The following DNM3 variants were observed in gnomAD, a reference collection of about 807,000 sequenced individuals.
DNM3 encodes the protein dynamin 3.
A neutral mutation model predicts 101.6 loss-of-function variants in DNM3; 47 were observed. The ratio of observed to expected loss-of-function variants is 0.46; its 90% confidence interval spans 0.37 to 0.59. The LOEUF is 0.59. Ranked by LOEUF, DNM3 falls within the 20% of genes least tolerant of loss-of-function variation. The pLI is 0.00. For synonymous variants in DNM3, 385 were observed against 387.9 expected, an observed-to-expected ratio of 0.99 and a Z score of 0.09; for missense variants, 849 against 1,085.7, an observed-to-expected ratio of 0.78 and a Z score of 3.06.
chr1:171,989,129 T>A lies in DNM3; in HGVS notation c.570T>A (p.Ala190=). 6.2e-7 allele frequency: 1 copy of A among 1,612,850 alleles called. No individual in the cohort carries two copies. Among genetic ancestry groups the A allele is most frequent in the African/African-American group, 1.3e-5 (1 of 75,024 alleles). The change falls in exon 4 of 21, where the codon GCT becomes GCA. Residue 190 remains alanine, a synonymous_variant. Transcript: ENST00000627582. ...DLANSDALKL[A]KEVDPQGLRT... ...CAAACTCAGATGCGCTGAAGCTAGCTAAAGAAGTTGATCCTCAAGGTGAGT... is the reference window on the plus strand; with the variant it reads ...CAAACTCAGATGCGCTGAAGCTAGCAAAAGAAGTTGATCCTCAAGGTGAGT...
At chr1:172,052,147 G>T (rs2050248874) in intron 10 of DNM3, among the ~76,000 whole-genome samples, 1 of 152,092 alleles carries the variant, frequency 6.6e-6, no homozygotes, top group Non-Finnish European at 1.5e-5. Context: ...AAAAATAGGG[G>T]CCATAAATGG....
Position 172,206,456 on chromosome 1 carries a change from A to G in DNM3, c.1660-47117A>G, listed in dbSNP as rs77824763. On this transcript the variant is annotated intron_variant, in intron 14 of 20. Coordinates refer to ENST00000627582, the MANE Select transcript of DNM3 (RefSeq NM_015569.5). ...TTGCACAGATATTAAAAAGTCACAT[A>G]TTAAAAGGTCAAGATTGTTAAAAAT... Among the ~76,000 whole-genome samples the G allele has an allele frequency of 6.6e-3, 1,004 of 152,240 alleles. 14 individuals are homozygous for G. Among genetic ancestry groups the G allele is most frequent in the African/African-American group, 0.023 (954 of 41,580 alleles).
intron 1 of DNM3, among the ~76,000 whole-genome samples, chr1:171,884,630 G>C (rs2036603715): frequency 6.6e-6 from 1 of 152,136 alleles, no homozygotes; most frequent in South Asian, 2.1e-4. Flanking sequence ...GCTTTCTGAT[G>C]GGACTCACTC....
At chr1:171,872,998 C>T (rs1210615883) in intron 1 of DNM3, among the ~76,000 whole-genome samples, 1 of 152,072 alleles carries the variant, frequency 6.6e-6, no homozygotes, top group Non-Finnish European at 1.5e-5. Context: ...CATAATTACT[C>T]CTGGGGGTCT....
intron 17 of DNM3, among the ~76,000 whole-genome samples, chr1:172,330,608 A>G (rs935636637): frequency 6.6e-6 from 1 of 152,148 alleles, no homozygotes; most frequent in African/African-American, 2.4e-5. Context: ...CATGAGCAAT[A>G]TTAATTTGTG....
intron 14 of DNM3, among the ~76,000 whole-genome samples, chr1:172,168,277 A>G (rs1283741542): frequency 2.0e-5 from 3 of 151,908 alleles, no homozygotes; most frequent in Non-Finnish European, 4.4e-5. Context: ...TTAAAATATT[A>G]ACTACACTGG....
At chr1:172,126,966 CT>C (rs2056659983) in intron 13 of DNM3, among the ~76,000 whole-genome samples, 1 of 152,088 alleles carries the variant, frequency 6.6e-6, no homozygotes, top group African/African-American at 2.4e-5. Flanking sequence ...GTGCAAAGTG[CT>C]GCTGGAAAAG....
At chr1:172,368,460 G>A (rs895026149) in intron 17 of DNM3, among the ~76,000 whole-genome samples, 9 of 151,594 alleles carry the variant, frequency 5.9e-5, no homozygotes, top group Admixed American at 1.3e-4. Context: ...CAAATCCTAC[G>A]CAATACAGCA....
chr1:172,178,462 A>G (rs1483562861), intron 14 of DNM3, among the ~76,000 whole-genome samples: 1 of 151,956 alleles, frequency 6.6e-6, no homozygotes, highest in Admixed American at 6.6e-5. Context: ...TTTTACATAT[A>G]TGAAGTGAAG....
chr1:172,024,607 C>G (rs891781733), intron 4 of DNM3, among the ~76,000 whole-genome samples: 1 of 152,212 alleles, frequency 6.6e-6, no homozygotes, highest in African/African-American at 2.4e-5. Context: ...GTACCTGGCT[C>G]GTCTCACTGG....
chr1:172,148,971 A>G (rs1379442267), intron 14 of DNM3, among the ~76,000 whole-genome samples: 1 of 152,146 alleles, frequency 6.6e-6, no homozygotes, highest in Non-Finnish European at 1.5e-5. Context: ...CAGCCTGTAA[A>G]ATAAAGGAGA....
At chr1:172,217,168 T>C (rs908495079) in intron 14 of DNM3, among the ~76,000 whole-genome samples, 5 of 152,260 alleles carry the variant, frequency 3.3e-5, no homozygotes, top group African/African-American at 1.2e-4. Context: ...TCTCACCTTC[T>C]TCAGCCTCCT....
rs561204217 is a variant in DNM3 at position 172,253,024 on chromosome 1, A to T, written c.1660-549A>T. ...TACTTTTTATGCTTTATCATAGTTT[A>T]TGGGGGGTATTTCATACTGGGGTCC... On this transcript the variant is annotated intron_variant, in intron 14 of 20. Coordinates refer to ENST00000627582, the MANE Select transcript of DNM3 (RefSeq NM_015569.5). Among the ~76,000 whole-genome samples, 23 of 152,184 alleles carry T rather than the reference A, an allele frequency of 1.5e-4. No individual in the cohort carries two copies. In the South Asian group the frequency reaches 4.6e-3, roughly 30 times the overall value.
At chr1:172,217,640 T>G (rs1488658052) in intron 14 of DNM3, among the ~76,000 whole-genome samples, 1 of 152,136 alleles carries the variant, frequency 6.6e-6, no homozygotes, top group Non-Finnish European at 1.5e-5. Context: ...TTTCTGAAAA[T>G]TTAGCCTGTA....
intron 1 of DNM3, among the ~76,000 whole-genome samples, chr1:171,878,603 C>G (rs917657722): frequency 6.6e-6 from 1 of 152,118 alleles, no homozygotes; most frequent in Non-Finnish European, 1.5e-5. Flanking sequence ...CCTTCTTTTT[C>G]TGCATGGGCG....
chr1:172,253,121 C>T lies in DNM3; in HGVS notation c.1660-452C>T, dbSNP rs970937934. ...CTGCAAATAAAACAAGAAATGAAAT[C>T]CATCTGGCATTTCTCATTGAATTAG... On this transcript the variant is annotated intron_variant, in intron 14 of 20. Coordinates refer to ENST00000627582, the MANE Select transcript of DNM3 (RefSeq NM_015569.5). Among the ~76,000 whole-genome samples, 6 of 152,232 alleles carry T rather than the reference C, an allele frequency of 3.9e-5. No homozygotes were observed. The East Asian group carries it at 1.2e-3, about 29-fold the overall frequency.
chr1:171,856,188 C>T (rs1318881255), intron 1 of DNM3, among the ~76,000 whole-genome samples: 1 of 151,974 alleles, frequency 6.6e-6, no homozygotes, highest in Non-Finnish European at 1.5e-5. Flanking sequence ...GGTGTGTGGC[C>T]TTATTTCTGG....
intron 15 of DNM3, among the ~76,000 whole-genome samples, chr1:172,259,120 T>G (rs1458093219): frequency 1.3e-5 from 2 of 152,134 alleles, no homozygotes; most frequent in Non-Finnish European, 2.9e-5. Flanking sequence ...ATACTTGATA[T>G]GATTTTGATT....
intron 1 of DNM3, among the ~76,000 whole-genome samples, chr1:171,915,090 C>T (rs939344529): frequency 2.0e-5 from 3 of 152,182 alleles, no homozygotes. Context: ...GTTATATCTC[C>T]AGTGTCTAAG....
Sources: allele counts gnomAD v4.1 joint callset (sites outside exome capture counted in the v4.1 genomes callset), GRCh38; gene constraint gnomAD v4.1.1; transcripts MANE v1.5; gene names NCBI Gene and HGNC (gene_info 2026-07-23, HGNC 2026-07-21).